SOX5: variants seen among roughly 807,000 people sequenced by gnomAD.
The protein encoded by SOX5 is SRY-box transcription factor 5.
SOX5 carries 9 observed loss-of-function variants against 92.0 expected under a neutral mutation model. The observed-to-expected ratio is 0.10, with a 90% confidence interval of 0.06 to 0.17. The LOEUF is 0.17. Ranked by LOEUF, SOX5 falls within the 10% of genes least tolerant of loss-of-function variation. SOX5 has a pLI of 1.00. For missense variants in SOX5, 642 were observed against 944.5 expected, an observed-to-expected ratio of 0.68 and a Z score of 4.20; for synonymous variants, 344 against 336.3, an observed-to-expected ratio of 1.02 and a Z score of -0.25.
At chr12:23,868,032 C>A (rs1461870378) in intron 2 of SOX5, among the ~76,000 whole-genome samples, 2 of 150,706 alleles carry the variant, frequency 1.3e-5, no homozygotes, top group Non-Finnish European at 3.0e-5. Flanking sequence ...TCCCTTTTTT[C>A]TTTTTTCCTT....
intron 4 of SOX5, among the ~76,000 whole-genome samples, chr12:24,118,870 T>C (rs566122761): frequency 1.4e-4 from 21 of 152,296 alleles, no homozygotes; most frequent in Non-Finnish European, 2.8e-4. Context: ...GTTCTATTAA[T>C]ACCAGCAGTA....
At position 24,361,613 on chromosome 12, in the gene SOX5, G is replaced by T. The variant is rs751334351; in HGVS notation, c.-174+6950C>A. Among the ~76,000 whole-genome samples, 3 of 72,198 alleles carry T rather than the reference G, an allele frequency of 4.2e-5. No individual in the cohort carries two copies. In the East Asian group the frequency reaches 1.9e-3, roughly 47 times the overall value. The allele number at this position is 72,198 out of a possible 152,430, so 47.4% of individuals were successfully genotyped here. ...CAGTGATGAGGCTTTTTCAGGTTTT[G>T]TGTGTGTGTGTGTGTGTGTGCGCAT... On this transcript the variant is annotated intron_variant, in intron 2 of 4. Transcript: ENST00000446891.
intron 2 of SOX5, among the ~76,000 whole-genome samples, chr12:23,861,905 C>T (rs746739146): frequency 3.3e-5 from 5 of 152,106 alleles, no homozygotes; most frequent in Non-Finnish European, 7.4e-5. Flanking sequence ...ACCTACAGAC[C>T]TTGAACATAG....
Position 23,531,060 on chromosome 12 carries a change from G to A in SOX5, c.*3159C>T, listed in dbSNP as rs1938981908. ...GCCAAAAAGGCAATGTAGTAACACA[G>A]TAAGTTGCTATTCATAGCACCTTTT... On this transcript the variant is annotated 3_prime_UTR_variant, in exon 15 of 15. Transcript: ENST00000451604. The A allele has an allele frequency of 6.6e-6, 1 of 152,128 alleles. No homozygotes were observed. Among genetic ancestry groups the A allele is most frequent in the Non-Finnish European group, 1.5e-5 (1 of 68,036 alleles). 9.4% of individuals were successfully genotyped at this position (152,128 alleles called of 1,614,324 possible).
chr12:24,440,685 AATTTCT>A lies in SOX5; in HGVS notation c.-250-72052_-250-72047del, dbSNP rs1239412222. On this transcript the variant is annotated intron_variant, in intron 1 of 4. Coordinates refer to the SOX5 transcript ENST00000446891. ...CAGCACCCTTAATTCTCTCTACTGG[AATTTCT>A]GTGACCATACTCTTCATCAGTCTTA... Among the ~76,000 whole-genome samples, 567 of 149,226 alleles carry A rather than the reference AATTTCT, an allele frequency of 3.8e-3. 5 individuals are homozygous for A. Among genetic ancestry groups the A allele is most frequent in the African/African-American group, 0.013 (528 of 40,280 alleles).
chr12:23,850,437 AAT>A (rs200183126), intron 2 of SOX5, among the ~76,000 whole-genome samples: 1,086 of 104,512 alleles, frequency 0.01, 39 homozygotes, highest in Admixed American at 0.065. Context: ...ACAAAAAAAA[AAT>A]AAATAAATAA....
intron 8 of SOX5, chr12:23,638,192 G>A (rs1197459292): frequency 3.9e-5 from 6 of 152,136 alleles, no homozygotes; most frequent in Non-Finnish European, 7.3e-5. Flanking sequence ...GGTATCTCAC[G>A]GCAGACATAA....
intron 1 of SOX5, among the ~76,000 whole-genome samples, chr12:24,503,575 C>A (rs905576450): frequency 6.6e-6 from 1 of 152,106 alleles, no homozygotes; most frequent in African/African-American, 2.4e-5. Flanking sequence ...GGAACCAACC[C>A]AAATGCCCAT....
intron 6 of SOX5, among the ~76,000 whole-genome samples, chr12:23,705,222 C>A (rs969114235): frequency 1.3e-5 from 2 of 151,972 alleles, no homozygotes; most frequent in African/African-American, 4.8e-5. Context: ...CTTTTTCACC[C>A]CTTTTAAAGG....
At chr12:24,404,783 C>T (rs1962534994) in intron 1 of SOX5, among the ~76,000 whole-genome samples, 1 of 152,044 alleles carries the variant, frequency 6.6e-6, no homozygotes, top group Admixed American at 6.6e-5. Flanking sequence ...ATTGCCCCTT[C>T]CCCCCAAATT....
chr12:23,826,425 A>G (rs916201646), intron 3 of SOX5, among the ~76,000 whole-genome samples: 1 of 152,198 alleles, frequency 6.6e-6, no homozygotes, highest in African/African-American at 2.4e-5. Context: ...AAGTATGGCT[A>G]TAGTTCTCCT....
intron 1 of SOX5, among the ~76,000 whole-genome samples, chr12:24,506,592 A>C (rs1023193486): frequency 1.3e-5 from 2 of 152,068 alleles, no homozygotes; most frequent in Non-Finnish European, 2.9e-5. Context: ...AGGGGTGAAT[A>C]TAGAATTTCA....
chr12:24,300,903 C>T (rs2140639323), intron 2 of SOX5, among the ~76,000 whole-genome samples: 1 of 152,302 alleles, frequency 6.6e-6, no homozygotes, highest in African/African-American at 2.4e-5. Context: ...ATTTAATTTG[C>T]ATCTATCAAG....
chr12:23,588,170 C>T (rs540971955), intron 9 of SOX5, among the ~76,000 whole-genome samples: 1 of 152,026 alleles, frequency 6.6e-6, no homozygotes, highest in East Asian at 1.9e-4. Context: ...ATTAAAGATG[C>T]TTAGCTTGAT....
At chr12:24,098,155 T>C (rs1176287899) in intron 4 of SOX5, among the ~76,000 whole-genome samples, 1 of 152,182 alleles carries the variant, frequency 6.6e-6, no homozygotes, top group East Asian at 1.9e-4. Context: ...GTGAGTTTTC[T>C]AAGTCATTGT....
rs549294032 is a variant in SOX5, at chr12:24,076,588, A to T, written c.-2+136755T>A. 5.9e-5 allele frequency among the ~76,000 whole-genome samples: 9 copies of T among 152,252 alleles called. No homozygotes were observed. The South Asian group carries it at 1.9e-3, about 32-fold the overall frequency. ...CACTTGCCCCTTGCAAACATGCAGAATCTTTTTCCATGTGAAAAAGTCTAA... is the reference window on the plus strand; with the variant it reads ...CACTTGCCCCTTGCAAACATGCAGATTCTTTTTCCATGTGAAAAAGTCTAA... On this transcript the variant is annotated intron_variant, in intron 4 of 4. Coordinates refer to the SOX5 transcript ENST00000446891.
At position 23,624,361 on chromosome 12, in the gene SOX5, A is replaced by G. The variant is rs941766588; in HGVS notation, c.1017+16451T>C. On this transcript the variant is annotated intron_variant, in intron 8 of 14. Transcript: ENST00000451604. ...AATTTTATGTTAAACATATTTTACC[A>G]TGATAAAAAGAAACCTACAGAGGAT... Among the ~76,000 whole-genome samples the G allele has an allele frequency of 3.3e-5, 5 of 152,310 alleles. No homozygotes were observed. In the South Asian group the frequency reaches 8.3e-4, roughly 25 times the overall value.
At chr12:24,002,430 G>A (rs1160543229) in intron 4 of SOX5, among the ~76,000 whole-genome samples, 2 of 152,022 alleles carry the variant, frequency 1.3e-5, no homozygotes, top group Non-Finnish European at 2.9e-5. Flanking sequence ...GGCATTCATT[G>A]AAAAACGTGA....
rs904535110 is a variant in SOX5 at position 23,532,425 on chromosome 12, T to C, written c.*1794A>G. On this transcript the variant is annotated 3_prime_UTR_variant, in exon 15 of 15. Transcript: ENST00000451604. Reference sequence around the variant, plus strand: ...TCAAGCTACTAGTTGCAGTATTTACTATCTATCTGATACTTCAATACAAAT... The same window carrying C: ...TCAAGCTACTAGTTGCAGTATTTACCATCTATCTGATACTTCAATACAAAT... The C allele has an allele frequency of 2.0e-5, 3 of 152,258 alleles. No individual in the cohort carries two copies. The highest frequency in any genetic ancestry group is 4.4e-5 in the Non-Finnish European group (3 of 68,040). The allele number at this position is 152,258 out of a possible 1,614,324, so 9.4% of individuals were successfully genotyped here. A position where few individuals can be genotyped will look rare whatever the true frequency, so the allele number is the denominator to read the frequency against.
Sources: allele counts gnomAD v4.1 joint callset (sites outside exome capture counted in the v4.1 genomes callset), GRCh38; gene constraint gnomAD v4.1.1; transcripts MANE v1.5; gene names NCBI Gene and HGNC (gene_info 2026-07-23, HGNC 2026-07-21).